ANKS1B: variants seen among roughly 807,000 people sequenced by gnomAD.
The protein encoded by ANKS1B is ankyrin repeat and sterile alpha motif domain containing 1B, also known as ankyrin repeat and sterile alpha motif domain-containing protein 1B.
A neutral mutation model predicts 148.3 loss-of-function variants in ANKS1B; 36 were observed. The observed-to-expected ratio is 0.24, with a 90% CI of 0.19 to 0.32. The LOEUF is 0.32. Ranked by LOEUF, ANKS1B falls within the 10% of genes least tolerant of loss-of-function variation. ANKS1B has a pLI of 1.00. For missense variants in ANKS1B, 1,157 were observed against 1,542.6 expected, an observed-to-expected ratio of 0.75 and a Z score of 4.19; for synonymous variants, 542 against 560.8, an observed-to-expected ratio of 0.97 and a Z score of 0.47.
At chr12:99,763,275 C>T (rs1434749243) in intron 8 of ANKS1B, among the ~76,000 whole-genome samples, 1 of 151,990 alleles carries the variant, frequency 6.6e-6, no homozygotes, top group African/African-American at 2.4e-5. Context: ...ATAAAGAAAA[C>T]GTGGCACATA....
At chr12:99,755,996 G>A (rs958776377) in intron 8 of ANKS1B, among the ~76,000 whole-genome samples, 4 of 152,120 alleles carry the variant, frequency 2.6e-5, no homozygotes, top group South Asian at 2.1e-4. Flanking sequence ...CATACTGAAC[G>A]AGCAAAAGCT....
intron 1 of ANKS1B, among the ~76,000 whole-genome samples, chr12:99,872,615 A>C (rs1360972015): frequency 3.3e-5 from 5 of 152,200 alleles, no homozygotes; most frequent in Admixed American, 6.5e-5. Context: ...AAATGTAAGT[A>C]TGTAATTTCA....
chr12:99,068,199 T>C (rs2045077756), intron 16 of ANKS1B, among the ~76,000 whole-genome samples: 1 of 152,162 alleles, frequency 6.6e-6, no homozygotes, highest in Admixed American at 6.6e-5. Context: ...TCCTTGGGTA[T>C]ACATTTGAAA....
At chr12:99,424,661 C>CACT (rs1567075275) in intron 11 of ANKS1B, among the ~76,000 whole-genome samples, 137 of 150,476 alleles carry the variant, frequency 9.1e-4, no homozygotes, top group African/African-American at 3.2e-3. Flanking sequence ...ACACACACAC[C>CACT]CATAAGGAAA....
intron 9 of ANKS1B, among the ~76,000 whole-genome samples, chr12:99,563,143 A>C (rs1052386998): frequency 1.3e-5 from 2 of 152,190 alleles, no homozygotes; most frequent in African/African-American, 4.8e-5. Context: ...AGGAGACCAA[A>C]ACTTTATTCA....
chr12:99,570,942 G>A (rs1234891517), intron 9 of ANKS1B, among the ~76,000 whole-genome samples: 1 of 152,008 alleles, frequency 6.6e-6, no homozygotes, highest in Non-Finnish European at 1.5e-5. Context: ...GGGCTTGTTA[G>A]GCATCTTGCC....
At chr12:99,910,941 T>C (rs1185100603) in intron 1 of ANKS1B, among the ~76,000 whole-genome samples, 1 of 152,226 alleles carries the variant, frequency 6.6e-6, no homozygotes, top group African/African-American at 2.4e-5. Flanking sequence ...ATTTAGTTCA[T>C]ACTATGTGCC....
chr12:99,517,315 A>C (rs941945562), intron 9 of ANKS1B, among the ~76,000 whole-genome samples: 1 of 151,952 alleles, frequency 6.6e-6, no homozygotes, highest in Non-Finnish European at 1.5e-5. Flanking sequence ...CAGGTTGTTC[A>C]CTGTTGGCAT....
At chr12:99,154,213 GC>G (rs2075654452) in intron 15 of ANKS1B, 75 bp downstream of exon 15, 2 of 1,560,538 alleles carry the variant, frequency 1.3e-6, no homozygotes, top group Admixed American at 3.6e-5. Context: ...AAATCAGGCT[GC>G]CTCTGAGCCA....
At chr12:99,430,642 T>G (rs1406200386) in intron 11 of ANKS1B, among the ~76,000 whole-genome samples, 1 of 152,208 alleles carries the variant, frequency 6.6e-6, no homozygotes, top group Non-Finnish European at 1.5e-5. Flanking sequence ...TTAGAGTTAC[T>G]GAGCTGTAAA....
At chr12:98,936,995 C>G (rs1370219487) in intron 17 of ANKS1B, among the ~76,000 whole-genome samples, 2 of 152,158 alleles carry the variant, frequency 1.3e-5, no homozygotes, top group Non-Finnish European at 2.9e-5. Flanking sequence ...GTGAGTTACT[C>G]TGTATCTTTA....
At chr12:99,247,928 T>C (rs1246161055) in intron 12 of ANKS1B, among the ~76,000 whole-genome samples, 1 of 152,188 alleles carries the variant, frequency 6.6e-6, no homozygotes, top group Non-Finnish European at 1.5e-5. Flanking sequence ...AAATCCAAAG[T>C]TGATGTGCTG....
At chr12:99,958,980 A>G (rs536738179) in intron 1 of ANKS1B, among the ~76,000 whole-genome samples, 1 of 151,990 alleles carries the variant, frequency 6.6e-6, no homozygotes, top group Non-Finnish European at 1.5e-5. Flanking sequence ...AGCGTGCAGG[A>G]GAGAGAAATG....
chr12:99,402,930 C>T (rs2094442830), intron 11 of ANKS1B, among the ~76,000 whole-genome samples: 1 of 145,330 alleles, frequency 6.9e-6, no homozygotes, highest in African/African-American at 2.6e-5. Context: ...ATGTATACTC[C>T]CACCTGTAGT....
At chr12:99,038,812 T>G (rs1180301113) in intron 17 of ANKS1B, among the ~76,000 whole-genome samples, 1 of 152,230 alleles carries the variant, frequency 6.6e-6, no homozygotes, top group Non-Finnish European at 1.5e-5. Context: ...TTCCCACACT[T>G]GGTTCAGATC....
intron 11 of ANKS1B, among the ~76,000 whole-genome samples, chr12:99,407,923 C>A (rs1475751745): frequency 6.9e-6 from 1 of 145,874 alleles, no homozygotes; most frequent in East Asian, 1.9e-4. Context: ...TCCATACTAC[C>A]TAAAGCAATC....
At chr12:99,880,259 T>C (rs569467115) in intron 1 of ANKS1B, among the ~76,000 whole-genome samples, 18 of 152,290 alleles carry the variant, frequency 1.2e-4, no homozygotes, top group South Asian at 4.1e-4. Context: ...AACAATACTA[T>C]GAGGTAGGGA....
chr12:99,723,407 A>AC (rs2058300329), intron 8 of ANKS1B, among the ~76,000 whole-genome samples: 1 of 152,096 alleles, frequency 6.6e-6, no homozygotes, highest in African/African-American at 2.4e-5. Context: ...TTCAGGCCTG[A>AC]CACTGACCCA....
At chr12:98,739,019 T>TA (rs2097785994), downstream of ANKS1B, among the ~76,000 whole-genome samples, 1 of 152,162 alleles carries the variant, frequency 6.6e-6, no homozygotes, top group South Asian at 2.1e-4. Context: ...TTCCATACGT[T>TA]ATTTAACTGA....
Sources: gnomAD v4.1 joint callset for allele counts (sites outside exome capture counted in the v4.1 genomes callset) on GRCh38, gnomAD v4.1.1 for gene constraint, MANE v1.5 for transcripts, NCBI Gene and HGNC (gene_info 2026-07-23, HGNC 2026-07-21) for gene names.